THNSL1: variants seen among roughly 807,000 people sequenced by gnomAD.
THNSL1 encodes the protein threonine synthase like 1, also known as threonine synthase-like 1.
In THNSL1, 48 loss-of-function variants were observed where a neutral mutation model predicts 50.4. The ratio of observed to expected loss-of-function variants is 0.95; its 90% CI spans 0.76 to 1.21. The LOEUF (loss-of-function observed/expected upper bound fraction) is 1.21, where lower values mean the gene tolerates loss of function less well. Ranked by LOEUF, THNSL1 falls within the 50% of genes most tolerant of loss-of-function variation. The pLI, the probability that THNSL1 is intolerant of heterozygous loss-of-function variation, is 0.00. For synonymous variants in THNSL1, 309 were observed against 306.1 expected (o/e 1.01, Z -0.10); for missense variants, 896 against 871.7 (o/e 1.03, Z -0.35).
At chr10:24,974,768 C>T in the THNSL1 span, among the ~76,000 whole-genome samples, 1 of 141,240 alleles carries the variant, frequency 7.1e-6, no homozygotes, top group African/African-American at 2.5e-5. Context: ...AAAAAACAGA[C>T]TTTCAGGATT....
chr10:25,020,334 G>T (rs984898849), intron 1 of THNSL1, among the ~76,000 whole-genome samples: 1 of 151,434 alleles, frequency 6.6e-6, no homozygotes, highest in Non-Finnish European at 1.5e-5. Flanking sequence ...AAAAACAAGA[G>T]GGTAGAGGGG....
chr10:24,952,739 C>T, the THNSL1 span: 1 of 676,822 alleles, frequency 1.5e-6, no homozygotes, highest in Non-Finnish European at 2.4e-6. The surrounding 1 kb of genome is among the most constrained non-coding windows in gnomAD (Gnocchi z 5.1). Flanking sequence ...AAGCAGCGGC[C>T]TGACGCGGAT....
the THNSL1 span, among the ~76,000 whole-genome samples, chr10:24,958,797 G>A: frequency 2.6e-5 from 4 of 152,200 alleles, no homozygotes; most frequent in South Asian, 6.2e-4. Flanking sequence ...AATATCAGCA[G>A]TAAGCGCTGG....
At chr10:25,020,084 A>G (rs1850686704) in intron 1 of THNSL1, among the ~76,000 whole-genome samples, 1 of 152,194 alleles carries the variant, frequency 6.6e-6, no homozygotes, top group African/African-American at 2.4e-5. Context: ...AATAAAATTT[A>G]GTATGTAGCT....
the THNSL1 span, among the ~76,000 whole-genome samples, chr10:25,011,225 T>G: frequency 6.6e-6 from 1 of 152,246 alleles, no homozygotes; most frequent in African/African-American, 2.4e-5. Flanking sequence ...ATCTGTCTTT[T>G]GGCTGCATAA....
the THNSL1 span, chr10:24,995,913 C>T: frequency 6.8e-7 from 1 of 1,475,152 alleles, no homozygotes. Context: ...ACTACAAACA[C>T]TGCTACTCAG....
upstream of THNSL1, among the ~76,000 whole-genome samples, chr10:25,012,380 A>G (rs3937870): frequency 0.031 from 4,688 of 152,280 alleles, 104 homozygotes; most frequent in South Asian, 0.072. Flanking sequence ...TGGTAAATCC[A>G]CTGAGAGCAT....
the THNSL1 span, among the ~76,000 whole-genome samples, chr10:24,988,274 A>ATTTATATG: frequency 2.1e-5 from 3 of 141,622 alleles, no homozygotes; most frequent in African/African-American, 8.2e-5. Context: ...ATTTATATAT[A>ATTTATATG]TGTGTATATA....
chr10:25,002,307 T>C, the THNSL1 span, among the ~76,000 whole-genome samples: 3 of 152,228 alleles, frequency 2.0e-5, no homozygotes, highest in African/African-American at 7.2e-5. Context: ...GAACTCCTTG[T>C]TCATATTTCC....
the THNSL1 span, among the ~76,000 whole-genome samples, chr10:24,955,815 G>A: frequency 7.2e-4 from 109 of 152,138 alleles, no homozygotes; most frequent in African/African-American, 2.6e-3. Flanking sequence ...GTGTGGTAGC[G>A]TGGCACCTGT....
the THNSL1 span, among the ~76,000 whole-genome samples, chr10:25,006,034 G>A: frequency 2.9e-3 from 441 of 152,130 alleles, 2 homozygotes; most frequent in African/African-American, 9.8e-3. Context: ...TAAATTTTTC[G>A]TTATTTCTAC....
the THNSL1 span, among the ~76,000 whole-genome samples, chr10:24,958,930 C>T: frequency 6.6e-6 from 1 of 152,140 alleles, no homozygotes; most frequent in Non-Finnish European, 1.5e-5. Flanking sequence ...GGCAGTCGAC[C>T]TCAACTCTCT....
At chr10:24,968,343 G>A in the THNSL1 span, among the ~76,000 whole-genome samples, 1 of 152,098 alleles carries the variant, frequency 6.6e-6, no homozygotes, top group Non-Finnish European at 1.5e-5. Context: ...TGCCCGTGAA[G>A]CCTAAGAAGG....
At chr10:24,960,002 A>G in the THNSL1 span, among the ~76,000 whole-genome samples, 3 of 152,290 alleles carry the variant, frequency 2.0e-5, no homozygotes, top group Admixed American at 6.5e-5. Flanking sequence ...GTGTTTTCCT[A>G]GAAGACAAGG....
chr10:24,963,546 G>A, the THNSL1 span, among the ~76,000 whole-genome samples: 4 of 152,180 alleles, frequency 2.6e-5, no homozygotes, highest in African/African-American at 9.6e-5. Context: ...AGTTGGTTTG[G>A]GAAACCTGGA....
intron 2 of THNSL1, among the ~76,000 whole-genome samples, chr10:25,022,294 T>A (rs1410481354): frequency 6.6e-6 from 1 of 152,198 alleles, no homozygotes; most frequent in Non-Finnish European, 1.5e-5. Context: ...TCTCTCATCA[T>A]TGGAAACATT....
At chr10:25,017,083 C>CT (rs912801004) in intron 1 of THNSL1, among the ~76,000 whole-genome samples, 8 of 152,204 alleles carry the variant, frequency 5.3e-5, no homozygotes, top group African/African-American at 1.9e-4. Flanking sequence ...TGCGCCTGCT[C>CT]TTCCCCGGGT....
chr10:25,023,097 A>T (rs758415391), intron 2 of THNSL1, 79 bp from the exon 3 acceptor site: 2 of 866,946 alleles, frequency 2.3e-6, no homozygotes, highest in Admixed American at 2.9e-5. Flanking sequence ...ATTCAGTCCT[A>T]TTGGGATTTT....
At chr10:24,961,624 C>T in the THNSL1 span, among the ~76,000 whole-genome samples, 285 of 151,170 alleles carry the variant, frequency 1.9e-3, 6 homozygotes, top group Admixed American at 0.011. Context: ...CTTTGAGGTT[C>T]GAGGGAAAAG....
Sources: gnomAD v4.1 joint callset for allele counts (sites outside exome capture counted in the v4.1 genomes callset) on GRCh38, gnomAD v4.1.1 for gene constraint, Gnocchi (gnomAD v3.1) non-coding constraint, MANE v1.5 for transcripts, NCBI Gene and HGNC (gene_info 2026-07-23, HGNC 2026-07-21) for gene names.